KIAA0825: variants seen among roughly 807,000 people sequenced by gnomAD.
The protein encoded by KIAA0825 is uncharacterized protein KIAA0825.
KIAA0825 carries 119 observed loss-of-function variants against 147.6 expected under a neutral mutation model. That is an observed-to-expected ratio of 0.81 (90% CI 0.69 to 0.94). The LOEUF is 0.94. KIAA0825 is among the 40% of genes least tolerant of loss of function. KIAA0825 has a pLI of 0.00. For missense variants in KIAA0825, 1,381 were observed against 1,472.7 expected (o/e 0.94, Z 1.02); for synonymous variants, 470 against 518.1 (o/e 0.91, Z 1.26).
intron 5 of KIAA0825, among the ~76,000 whole-genome samples, chr5:94,486,295 G>A (rs186107634): frequency 1.2e-4 from 19 of 152,126 alleles, no homozygotes; most frequent in Non-Finnish European, 7.4e-5. Context: ...TATAGGGTCT[G>A]ACAATTCCAT....
chr5:94,522,405 T>C (rs1768394108), intron 4 of KIAA0825, among the ~76,000 whole-genome samples: 1 of 151,716 alleles, frequency 6.6e-6, no homozygotes, highest in African/African-American at 2.4e-5. Context: ...AAATGAGTCA[T>C]ACTGGTGCCT....
chr5:94,470,863 T>C (rs1023344519), intron 9 of KIAA0825, among the ~76,000 whole-genome samples: 5 of 152,240 alleles, frequency 3.3e-5, no homozygotes, highest in African/African-American at 1.2e-4. Flanking sequence ...AGCCATGTTA[T>C]ATCTAGACAG....
At chr5:94,439,908 T>G (rs1756859581) in intron 14 of KIAA0825, 74 bp downstream of exon 14, 2 of 1,440,682 alleles carry the variant, frequency 1.4e-6, no homozygotes, top group Non-Finnish European at 1.9e-6. Flanking sequence ...AATGTTTGCC[T>G]AGGAAAAAAA....
chr5:94,451,921 A>G (rs1758466177), intron 13 of KIAA0825, among the ~76,000 whole-genome samples: 1 of 152,244 alleles, frequency 6.6e-6, no homozygotes, highest in Non-Finnish European at 1.5e-5. Context: ...TTACTTTTGC[A>G]ACAATGAGTA....
chr5:94,374,680 T>C (rs972024936), intron 20 of KIAA0825, among the ~76,000 whole-genome samples: 6 of 152,216 alleles, frequency 3.9e-5, no homozygotes, highest in African/African-American at 1.4e-4. Flanking sequence ...GCTCCAGGCA[T>C]CTCCCTGGAC....
chr5:94,408,214 A>G (rs1199407370), intron 15 of KIAA0825, among the ~76,000 whole-genome samples: 1 of 152,246 alleles, frequency 6.6e-6, no homozygotes, highest in Non-Finnish European at 1.5e-5. Flanking sequence ...ACCTTTTGAT[A>G]GTGAGAAGAA....
intron 2 of KIAA0825, among the ~76,000 whole-genome samples, chr5:94,575,274 G>A (rs1247902779): frequency 2.0e-5 from 3 of 151,678 alleles, no homozygotes; most frequent in Non-Finnish European, 4.4e-5. Flanking sequence ...GGTGTGGGGC[G>A]AGACAACAGA....
chr5:94,546,553 T>G (rs1240688113), intron 2 of KIAA0825, among the ~76,000 whole-genome samples: 1 of 150,232 alleles, frequency 6.7e-6, no homozygotes, highest in Non-Finnish European at 1.5e-5. Flanking sequence ...CTCAGGGTGT[T>G]TAGGAGAAAG....
chr5:94,281,011 A>G (rs1458075293), intron 20 of KIAA0825, among the ~76,000 whole-genome samples: 1 of 152,122 alleles, frequency 6.6e-6, no homozygotes, highest in Non-Finnish European at 1.5e-5. Flanking sequence ...AAATATCTTA[A>G]TATAGAGAGA....
chr5:94,599,938 C>T (rs1367463931), intron 1 of KIAA0825, among the ~76,000 whole-genome samples: 2 of 151,582 alleles, frequency 1.3e-5, no homozygotes, highest in Non-Finnish European at 2.9e-5. Flanking sequence ...TGTTGTCCAC[C>T]CCCCCAAAAA....
intron 15 of KIAA0825, chr5:94,416,887 T>G (rs1437397952): frequency 1.4e-5 from 3 of 217,824 alleles, no homozygotes; most frequent in East Asian, 1.9e-4. Context: ...TAATATCTTA[T>G]ATGCTCAATA....
chr5:94,492,862 AT>A (rs905975644), intron 5 of KIAA0825, among the ~76,000 whole-genome samples: 95 of 152,332 alleles, frequency 6.2e-4, no homozygotes, highest in Non-Finnish European at 4.3e-4. Context: ...CTGTTATTTA[AT>A]TGACTCCATC....
At chr5:94,416,343 T>A (rs1753457514) in intron 15 of KIAA0825, 1 of 151,820 alleles carries the variant, frequency 6.6e-6, no homozygotes, top group South Asian at 2.1e-4. Flanking sequence ...CTGGGAGGAG[T>A]GAAACCATGA....
At chr5:94,217,374 T>G (rs531910000) in intron 20 of KIAA0825, among the ~76,000 whole-genome samples, 1 of 152,290 alleles carries the variant, frequency 6.6e-6, no homozygotes, top group Admixed American at 6.5e-5. Context: ...CATCTTTTGC[T>G]TCCATTACAG....
At chr5:94,274,378 T>C (rs1361792288) in intron 20 of KIAA0825, among the ~76,000 whole-genome samples, 3 of 152,166 alleles carry the variant, frequency 2.0e-5, no homozygotes, top group Non-Finnish European at 4.4e-5. Context: ...GCAGTTTTAC[T>C]ACAAAAAGAT....
intron 15 of KIAA0825, among the ~76,000 whole-genome samples, chr5:94,411,508 A>T (rs568246386): frequency 1.3e-5 from 2 of 152,232 alleles, no homozygotes; most frequent in African/African-American, 4.8e-5. Context: ...AAGAACCTCA[A>T]CATTTATCTC....
chr5:94,386,491 T>G (rs149725978), intron 18 of KIAA0825, 87 bp from the exon 19 acceptor site: 1 of 1,093,800 alleles, frequency 9.1e-7, no homozygotes, highest in East Asian at 2.6e-5. Flanking sequence ...AATTTATCCT[T>G]TCAGCACATT....
chr5:94,406,300 C>T (rs1752055849), intron 15 of KIAA0825, among the ~76,000 whole-genome samples: 1 of 152,162 alleles, frequency 6.6e-6, no homozygotes. Context: ...CTGAGATCAA[C>T]CCTCCATCTT....
At chr5:94,210,462 G>GAACT (rs961668351) in intron 20 of KIAA0825, among the ~76,000 whole-genome samples, 27 of 152,132 alleles carry the variant, frequency 1.8e-4, no homozygotes, top group African/African-American at 6.5e-4. Context: ...ATGTAACAGT[G>GAACT]AACTCATCAA....
Sources: gnomAD v4.1 joint callset for allele counts (sites outside exome capture counted in the v4.1 genomes callset) on GRCh38, gnomAD v4.1.1 for gene constraint, MANE v1.5 for transcripts, NCBI Gene and HGNC (gene_info 2026-07-23, HGNC 2026-07-21) for gene names.